ARHGAP15: variants seen among roughly 807,000 people sequenced by gnomAD.
The protein encoded by ARHGAP15 is rho GTPase-activating protein 15.
A neutral mutation model predicts 63.7 loss-of-function variants in ARHGAP15; 51 were observed. The ratio of observed to expected loss-of-function variants is 0.80; its 90% CI spans 0.64 to 1.01. The LOEUF is 1.01. Among genes scored for constraint, ARHGAP15 ranks in the 50% least tolerant of loss-of-function variants. The probability of loss-of-function intolerance (pLI) is 0.00; values close to 1 mark genes in which losing one functional copy is unlikely to be tolerated. For synonymous variants in ARHGAP15, 191 were observed against 193.8 expected, an observed-to-expected ratio of 0.99 and a Z score of 0.12; for missense variants, 560 against 564.6, an observed-to-expected ratio of 0.99 and a Z score of 0.08.
intron 6 of ARHGAP15, among the ~76,000 whole-genome samples, chr2:143,264,069 G>GTTAA (rs1390056035): frequency 6.6e-5 from 10 of 151,496 alleles, no homozygotes; most frequent in Non-Finnish European, 4.4e-5. Context: ...AGGCACCAGT[G>GTTAA]TTAACAGTGA....
intron 6 of ARHGAP15, among the ~76,000 whole-genome samples, chr2:143,429,773 C>G (rs1689301517): frequency 6.6e-6 from 1 of 152,118 alleles, no homozygotes. Flanking sequence ...GTAATTATAA[C>G]ATAAGGTTCA....
At chr2:143,198,448 T>C (rs567195102) in intron 2 of ARHGAP15, among the ~76,000 whole-genome samples, 51 of 152,042 alleles carry the variant, frequency 3.4e-4, no homozygotes, top group African/African-American at 1.2e-3. Context: ...AATTACTTAT[T>C]TAATTATATT....
At chr2:143,227,287 T>C (rs1485521860) in intron 4 of ARHGAP15, among the ~76,000 whole-genome samples, 1 of 152,172 alleles carries the variant, frequency 6.6e-6, no homozygotes, top group Non-Finnish European at 1.5e-5. Flanking sequence ...ATTTTACCAC[T>C]TGATTTAACT....
intron 13 of ARHGAP15, among the ~76,000 whole-genome samples, chr2:143,730,549 C>A (rs758983694): frequency 6.6e-6 from 1 of 152,050 alleles, no homozygotes; most frequent in Non-Finnish European, 1.5e-5. Flanking sequence ...GTGAACTAAG[C>A]CACTTAGGAA....
intron 6 of ARHGAP15, among the ~76,000 whole-genome samples, chr2:143,282,378 C>T (rs1464978992): frequency 6.6e-6 from 1 of 152,026 alleles, no homozygotes; most frequent in East Asian, 1.9e-4. Context: ...GTTTAATAGA[C>T]TTACAGTTCC....
chr2:143,404,505 T>A (rs1334198305), intron 6 of ARHGAP15, among the ~76,000 whole-genome samples: 2 of 151,996 alleles, frequency 1.3e-5, no homozygotes, highest in African/African-American at 4.8e-5. Context: ...AGCATGTTTA[T>A]CACCTAAAGC....
rs551780510 is a variant in ARHGAP15 at position 143,588,524 on chromosome 2, C to T, written c.1003+32039C>T. On this transcript the variant is annotated intron_variant, in intron 11 of 13. Transcript: ENST00000295095. The stretch of plus-strand genomic sequence containing the variant: ...AACAAGCCCTGGTGGGTGTCGTTCC[C>T]TTCCCTGTGTCCATGTGTTCTCATT... Among the ~76,000 whole-genome samples the T allele has an allele frequency of 3.3e-5, 5 of 152,236 alleles. No individual in the cohort carries two copies. The South Asian group carries it at 1.0e-3, about 32-fold the overall frequency.
intron 6 of ARHGAP15, among the ~76,000 whole-genome samples, chr2:143,382,736 A>C (rs1283534766): frequency 6.6e-6 from 1 of 152,192 alleles, no homozygotes; most frequent in Non-Finnish European, 1.5e-5. Context: ...GCAATTGGGA[A>C]GATCCCGTGA....
chr2:143,324,112 G>T (rs1684149571), intron 6 of ARHGAP15, among the ~76,000 whole-genome samples: 1 of 152,032 alleles, frequency 6.6e-6, no homozygotes. Flanking sequence ...ACTAGTTTTA[G>T]TTCAGTCTAT....
At chr2:143,251,348 G>C (rs931997653) in intron 6 of ARHGAP15, among the ~76,000 whole-genome samples, 3 of 151,992 alleles carry the variant, frequency 2.0e-5, no homozygotes, top group African/African-American at 4.8e-5. Flanking sequence ...TAGTAGAAGA[G>C]AGATAGAGTA....
At chr2:143,618,634 T>A (rs1292124884) in intron 11 of ARHGAP15, among the ~76,000 whole-genome samples, 1 of 152,188 alleles carries the variant, frequency 6.6e-6, no homozygotes, top group Admixed American at 6.5e-5. Flanking sequence ...AAGCACTTGT[T>A]TTTAACACAT....
chr2:143,179,707 G>A (rs2105066185), intron 2 of ARHGAP15, among the ~76,000 whole-genome samples: 1 of 152,272 alleles, frequency 6.6e-6, no homozygotes, highest in East Asian at 1.9e-4. Flanking sequence ...TGCCCATGCA[G>A]TGAGACCCTG....
In ARHGAP15 at chr2:143,196,796, C is replaced by T. The variant is rs569351696; in HGVS notation, c.166-5338C>T. 3.4e-4 allele frequency among the ~76,000 whole-genome samples: 51 copies of T among 151,790 alleles called. No homozygotes were observed. In the South Asian group the frequency reaches 8.9e-3, roughly 27 times the overall value. On this transcript the variant is annotated intron_variant, in intron 2 of 13. Transcript: ENST00000295095. ...TCTGTTTAGAGGGGGGACCTATATA[C>T]TATATAAAAACATTTGGAAACAAAA...
chr2:143,595,848 A>T (rs1559070833), intron 11 of ARHGAP15, among the ~76,000 whole-genome samples: 1 of 152,162 alleles, frequency 6.6e-6, no homozygotes, highest in Non-Finnish European at 1.5e-5. Context: ...AAACATTAAG[A>T]TGTAAAATAT....
At chr2:143,249,756 T>C (rs1680055711) in intron 5 of ARHGAP15, among the ~76,000 whole-genome samples, 1 of 152,124 alleles carries the variant, frequency 6.6e-6, no homozygotes, top group African/African-American at 2.4e-5. Context: ...CTATTGATTA[T>C]TGTGAATTAT....
At chr2:143,678,476 G>T (rs1682934753) in intron 12 of ARHGAP15, among the ~76,000 whole-genome samples, 1 of 152,200 alleles carries the variant, frequency 6.6e-6, no homozygotes, top group African/African-American at 2.4e-5. Flanking sequence ...GATGCCAACA[G>T]TTCCAACCAA....
chr2:143,183,895 T>C (rs556026273), intron 2 of ARHGAP15, among the ~76,000 whole-genome samples: 10 of 152,122 alleles, frequency 6.6e-5, no homozygotes, highest in Non-Finnish European at 8.8e-5. Context: ...AAGACAGGAA[T>C]GTAAGATTAG....
chr2:143,266,093 G>C (rs559497858), intron 6 of ARHGAP15, among the ~76,000 whole-genome samples: 2 of 151,846 alleles, frequency 1.3e-5, no homozygotes, highest in Non-Finnish European at 2.9e-5. Context: ...TCATAGTACT[G>C]AGTAGAGCTC....
At chr2:143,643,525 T>C (rs184790969) in intron 12 of ARHGAP15, among the ~76,000 whole-genome samples, 28 of 150,952 alleles carry the variant, frequency 1.9e-4, no homozygotes, top group Non-Finnish European at 3.5e-4. Flanking sequence ...GACTGTAAAT[T>C]TGAGGTCCCC....
Sources: allele counts gnomAD v4.1 joint callset (sites outside exome capture counted in the v4.1 genomes callset), GRCh38; gene constraint gnomAD v4.1.1; transcripts MANE v1.5; gene names NCBI Gene and HGNC (gene_info 2026-07-23, HGNC 2026-07-21).